ZNF407: variants seen among roughly 807,000 people sequenced by gnomAD.
ZNF407 encodes the protein zinc finger protein 407.
A neutral mutation model predicts 131.2 loss-of-function variants in ZNF407; 17 were observed. The ratio of observed to expected loss-of-function variants is 0.13; its 90% CI spans 0.09 to 0.19. The LOEUF is 0.19. Among genes scored for constraint, ZNF407 ranks in the 10% least tolerant of loss-of-function variants. The pLI, the probability that ZNF407 is intolerant of heterozygous loss-of-function variation, is 1.00. For synonymous variants in ZNF407, 1,156 were observed against 1,062.0 expected, an observed-to-expected ratio of 1.09 and a Z score of -1.72; for missense variants, 2,681 against 2,830.6, an observed-to-expected ratio of 0.95 and a Z score of 1.20.
chr18:74,918,390 T>C (rs537236876), intron 7 of ZNF407, among the ~76,000 whole-genome samples: 2 of 152,346 alleles, frequency 1.3e-5, no homozygotes, highest in South Asian at 4.1e-4. Context: ...TCTCTGTGAA[T>C]TGTGTAGCAG....
intron 8 of ZNF407, among the ~76,000 whole-genome samples, chr18:74,957,873 T>C (rs973548320): frequency 6.6e-6 from 1 of 152,206 alleles, no homozygotes; most frequent in Non-Finnish European, 1.5e-5. Context: ...AGGGTAAGAG[T>C]ACTTCTAGGG....
chr18:74,633,437 A>G lies in ZNF407; in HGVS notation c.2418A>G (p.Gln806=), dbSNP rs767939879. The change falls in exon 2 of 9, where the codon CAA becomes CAG. Residue 806 remains glutamine (Q), a synonymous_variant. Transcript: ENST00000299687. The part of the protein sequence containing the change: ...RIEGHIGVQL[Q]EHSYLEKGML... ...AAGGCCATATAGGTGTGCAATTACA[A>G]GAGCATTCCTATCTTGAGAAGGGCA... 62 of 1,613,930 alleles carry G rather than the reference A, an allele frequency of 3.8e-5. No homozygotes were observed. The Admixed American group carries it at 1.0e-3, about 26-fold the overall frequency.
intron 4 of ZNF407, among the ~76,000 whole-genome samples, chr18:74,871,873 T>C (rs1431066014): frequency 2.0e-5 from 3 of 151,808 alleles, no homozygotes; most frequent in South Asian, 4.2e-4. Flanking sequence ...TTTCTTTTTT[T>C]TTTTTTGAAA....
intron 3 of ZNF407, among the ~76,000 whole-genome samples, chr18:74,689,350 G>T (rs1967167780): frequency 6.6e-6 from 1 of 152,168 alleles, no homozygotes; most frequent in African/African-American, 2.4e-5. Context: ...AATTAATTCT[G>T]GTAGCTTTTT....
At position 75,006,829 on chromosome 18, in the gene ZNF407, CT is replaced by C. The variant is rs201515138; in HGVS notation, c.5429-56312del. 1.7e-3 allele frequency among the ~76,000 whole-genome samples: 262 copies of C among 150,866 alleles called. 5 individuals carry two copies. Among genetic ancestry groups the C allele is most frequent in the African/African-American group, 5.8e-3 (239 of 41,120 alleles). On this transcript the variant is annotated intron_variant, in intron 8 of 8. Transcript: ENST00000299687. ...TTTTACTACAAGTGTGATTTTTTTT[CT>C]TTTTTTTTCTTTGCTTCTTAATAGT...
chr18:74,918,264 A>G (rs1971799560), intron 7 of ZNF407, among the ~76,000 whole-genome samples: 1 of 152,200 alleles, frequency 6.6e-6, no homozygotes, highest in African/African-American at 2.4e-5. Context: ...GGTGTACTTG[A>G]AAACATACCA....
At chr18:74,777,730 ACTCTCT>A (rs755262242) in intron 3 of ZNF407, among the ~76,000 whole-genome samples, 4 of 86,498 alleles carry the variant, frequency 4.6e-5, no homozygotes, top group South Asian at 4.0e-4. Context: ...GATCGATCGC[ACTCTCT>A]CTCTCTCTCT....
At chr18:74,807,236 GA>G (rs1350577313) in intron 4 of ZNF407, among the ~76,000 whole-genome samples, 1 of 152,174 alleles carries the variant, frequency 6.6e-6, no homozygotes, top group Non-Finnish European at 1.5e-5. Flanking sequence ...CAGCATTAAA[GA>G]GTATTCTAGG....
intron 4 of ZNF407, among the ~76,000 whole-genome samples, chr18:74,792,876 A>T (rs946745765): frequency 6.6e-6 from 1 of 152,228 alleles, no homozygotes; most frequent in Non-Finnish European, 1.5e-5. Flanking sequence ...AGACACGTCA[A>T]TTGTGGAGCA....
chr18:74,629,915 A>G (rs1983972369), intron 1 of ZNF407, among the ~76,000 whole-genome samples: 1 of 152,044 alleles, frequency 6.6e-6, no homozygotes, highest in Non-Finnish European at 1.5e-5. Flanking sequence ...TTTTTTTCTC[A>G]AAATTTACTC....
At chr18:74,948,990 A>G (rs539177567) in intron 8 of ZNF407, among the ~76,000 whole-genome samples, 74 of 152,332 alleles carry the variant, frequency 4.9e-4, no homozygotes, top group African/African-American at 1.7e-3. Flanking sequence ...AAAGCTTGGG[A>G]AGCAAACTGT....
intron 8 of ZNF407, chr18:74,921,045 C>T (rs886069190): frequency 1.5e-4 from 144 of 965,766 alleles, no homozygotes; most frequent in Non-Finnish European, 1.8e-4. Flanking sequence ...TTAAAAAATG[C>T]TTGTGATTTG....
intron 4 of ZNF407, among the ~76,000 whole-genome samples, chr18:74,861,939 G>A (rs1288914657): frequency 6.6e-6 from 1 of 152,090 alleles, no homozygotes; most frequent in African/African-American, 2.4e-5. Flanking sequence ...AAGTCACATA[G>A]AGTTACAGAT....
intron 3 of ZNF407, among the ~76,000 whole-genome samples, chr18:74,752,299 G>A (rs943927902): frequency 7.7e-4 from 117 of 152,180 alleles, no homozygotes; most frequent in African/African-American, 2.5e-3. Context: ...GGTAGGTTGC[G>A]AAAATTTTCT....
intron 4 of ZNF407, among the ~76,000 whole-genome samples, chr18:74,819,973 G>A (rs1029883059): frequency 3.9e-5 from 6 of 152,140 alleles, no homozygotes; most frequent in African/African-American, 1.4e-4. Context: ...GGTAATTATT[G>A]AAGGATGATT....
chr18:74,994,733 G>A (rs767446235), intron 8 of ZNF407, among the ~76,000 whole-genome samples: 1 of 152,102 alleles, frequency 6.6e-6, no homozygotes, highest in Non-Finnish European at 1.5e-5. Flanking sequence ...AGACGGCAGC[G>A]GCACTCAGGA....
At chr18:75,037,526 C>T (rs17262257) in intron 8 of ZNF407, among the ~76,000 whole-genome samples, 20,263 of 151,846 alleles carry the variant, frequency 0.13, 1,388 homozygotes, top group South Asian at 0.21. Context: ...CCAAAAGCTG[C>T]TGCCGCCGCC....
chr18:74,847,624 G>A (rs982947316), intron 4 of ZNF407, among the ~76,000 whole-genome samples: 3 of 152,016 alleles, frequency 2.0e-5, no homozygotes, highest in Admixed American at 1.3e-4. Flanking sequence ...TCCTACTATA[G>A]CCTTCTCTTG....
intron 3 of ZNF407, among the ~76,000 whole-genome samples, chr18:74,694,277 A>G (rs1047316938): frequency 1.2e-4 from 18 of 152,226 alleles, no homozygotes; most frequent in African/African-American, 4.1e-4. Context: ...GTTAAGCTCA[A>G]TGTTAAGGTG....
Sources: allele counts gnomAD v4.1 joint callset (sites outside exome capture counted in the v4.1 genomes callset), GRCh38; gene constraint gnomAD v4.1.1; transcripts MANE v1.5; gene names NCBI Gene and HGNC (gene_info 2026-07-23, HGNC 2026-07-21).